Variants in RAD51B observed in about 807,000 individuals in gnomAD.
RAD51B encodes DNA repair protein RAD51 homolog 2.
In RAD51B, 38 loss-of-function variants were observed where a neutral mutation model predicts 42.2. The observed-to-expected ratio is 0.90, with a 90% CI of 0.70 to 1.18. RAD51B has a LOEUF of 1.18. Ranked by LOEUF, RAD51B falls within the 50% of genes most tolerant of loss-of-function variation. RAD51B has a pLI of 0.00. For missense variants in RAD51B, 373 were observed against 400.7 expected (o/e 0.93, Z 0.59); for synonymous variants, 154 against 145.2 (o/e 1.06, Z -0.43).
intron 8 of RAD51B, among the ~76,000 whole-genome samples, chr14:68,391,133 C>G (rs1466576074): frequency 9.1e-6 from 1 of 110,324 alleles, no homozygotes; most frequent in Non-Finnish European, 1.9e-5. Context: ...ATTTATGAGA[C>G]TTGTCTTTCT....
intron 7 of RAD51B, among the ~76,000 whole-genome samples, chr14:67,982,674 T>C (rs1207171390): frequency 6.6e-6 from 1 of 151,320 alleles, no homozygotes; most frequent in Non-Finnish European, 1.5e-5. Context: ...AATCTTTATC[T>C]ATCAATATTT....
intron 8 of RAD51B, among the ~76,000 whole-genome samples, chr14:68,356,710 G>A (rs1160843328): frequency 2.0e-5 from 3 of 151,944 alleles, no homozygotes; most frequent in Non-Finnish European, 4.4e-5. Flanking sequence ...GGCCGGGCGC[G>A]GTGGCTCACG....
intron 8 of RAD51B, among the ~76,000 whole-genome samples, chr14:68,381,981 CA>C (rs1313854964): frequency 3.3e-5 from 5 of 152,268 alleles, no homozygotes; most frequent in Admixed American, 3.3e-4. Flanking sequence ...CCAGTGGATG[CA>C]AAATACATAT....
chr14:67,926,912 C>G (rs1374754842), intron 7 of RAD51B, among the ~76,000 whole-genome samples: 1 of 152,118 alleles, frequency 6.6e-6, no homozygotes, highest in African/African-American at 2.4e-5. Context: ...ATATAGCTCA[C>G]TGGACAATTT....
intron 7 of RAD51B, among the ~76,000 whole-genome samples, chr14:68,042,482 G>C (rs1392248862): frequency 6.6e-6 from 1 of 152,154 alleles, no homozygotes; most frequent in Non-Finnish European, 1.5e-5. Context: ...TGAAAGATCT[G>C]TTTATAAGCC....
chr14:68,260,445 T>C (rs1203085076), intron 7 of RAD51B, among the ~76,000 whole-genome samples: 1 of 151,936 alleles, frequency 6.6e-6, no homozygotes, highest in Non-Finnish European at 1.5e-5. Flanking sequence ...TAACCAAAGT[T>C]TTACATGATG....
intron 7 of RAD51B, among the ~76,000 whole-genome samples, chr14:68,069,310 A>C (rs2076703544): frequency 6.6e-6 from 1 of 152,054 alleles, no homozygotes; most frequent in Non-Finnish European, 1.5e-5. Context: ...CCAGATATAC[A>C]TGTGCAGGTT....
intron 11 of RAD51B, among the ~76,000 whole-genome samples, chr14:68,662,049 C>T (rs1026447976): frequency 1.3e-5 from 2 of 152,202 alleles, no homozygotes; most frequent in Admixed American, 6.5e-5. Context: ...TCAGCAAATG[C>T]GATCCATTGC....
intron 10 of RAD51B, among the ~76,000 whole-genome samples, chr14:68,483,880 C>T (rs78749784): frequency 0.16 from 24,287 of 152,120 alleles, 2,611 homozygotes; most frequent in Non-Finnish European, 0.24. Context: ...CAGTTTAGCC[C>T]TCCTGAGCCT....
rs74855112 is a variant in RAD51B, at chr14:68,617,393, A to C, written c.1037-33388A>C. Among the ~76,000 whole-genome samples, 61 of 152,306 alleles carry C rather than the reference A, an allele frequency of 4.0e-4. 2 individuals carry two copies. The East Asian group carries it at 0.011, about 28-fold the overall frequency. Reference sequence around the variant, plus strand: ...GCTGATCAAGCTGGTTGATATTTTTACATCTCAGAATCCCATGTGAACTCT... The same window carrying C: ...GCTGATCAAGCTGGTTGATATTTTTCCATCTCAGAATCCCATGTGAACTCT... On this transcript the variant is annotated intron_variant, in intron 10 of 11. Transcript: ENST00000488612.
intron 7 of RAD51B, among the ~76,000 whole-genome samples, chr14:68,123,700 C>T (rs1380188008): frequency 7.9e-5 from 12 of 151,900 alleles, no homozygotes; most frequent in African/African-American, 1.9e-4. Flanking sequence ...CCCAGCTACT[C>T]GGGAGGCTGA....
At chr14:68,359,064 C>T (rs531567880) in intron 8 of RAD51B, among the ~76,000 whole-genome samples, 1 of 152,208 alleles carries the variant, frequency 6.6e-6, no homozygotes, top group African/African-American at 2.4e-5. Flanking sequence ...CACACCCCAC[C>T]TGCTTGGAGG....
At chr14:68,174,003 T>G (rs2078919208) in intron 7 of RAD51B, among the ~76,000 whole-genome samples, 1 of 152,220 alleles carries the variant, frequency 6.6e-6, no homozygotes, top group East Asian at 1.9e-4. Flanking sequence ...TTAGATTATT[T>G]CATTGTGATG....
At chr14:68,075,808 C>G (rs2076824180) in intron 7 of RAD51B, among the ~76,000 whole-genome samples, 1 of 152,226 alleles carries the variant, frequency 6.6e-6, no homozygotes, top group Admixed American at 6.5e-5. Flanking sequence ...CTGGGCTCCT[C>G]TCTGTATGGA....
At chr14:68,261,682 A>G (rs1566767666) in intron 7 of RAD51B, among the ~76,000 whole-genome samples, 3 of 152,166 alleles carry the variant, frequency 2.0e-5, no homozygotes, top group Non-Finnish European at 1.5e-5. Flanking sequence ...TTTGCCTTAC[A>G]TGCCAACTCT....
chr14:68,594,144 G>A (rs993526064), intron 10 of RAD51B, among the ~76,000 whole-genome samples: 7 of 123,624 alleles, frequency 5.7e-5, no homozygotes, highest in African/African-American at 1.8e-4. Flanking sequence ...ACCCCCACAC[G>A]CCTTTGAGAG....
At chr14:68,442,786 A>ATATTATTATTAT (rs112886411) in intron 9 of RAD51B, among the ~76,000 whole-genome samples, 19 of 150,554 alleles carry the variant, frequency 1.3e-4, no homozygotes, top group Admixed American at 3.3e-4. Flanking sequence ...CTAACCTGTG[A>ATATTATTATTAT]TATTATTATT....
At chr14:68,334,452 A>T (rs1334909470) in intron 8 of RAD51B, among the ~76,000 whole-genome samples, 1 of 152,232 alleles carries the variant, frequency 6.6e-6, no homozygotes, top group Non-Finnish European at 1.5e-5. Context: ...TAGGCTGAAG[A>T]ACAGGAGGAG....
At chr14:68,123,690 C>T (rs1012842392) in intron 7 of RAD51B, among the ~76,000 whole-genome samples, 3 of 152,080 alleles carry the variant, frequency 2.0e-5, no homozygotes, top group Non-Finnish European at 1.5e-5. Context: ...CACCTGTAGT[C>T]CCAGCTACTC....
Sources: allele counts gnomAD v4.1 joint callset (sites outside exome capture counted in the v4.1 genomes callset), GRCh38; gene constraint gnomAD v4.1.1; transcripts MANE v1.5; gene names NCBI Gene and HGNC (gene_info 2026-07-23, HGNC 2026-07-21).